Variants in ABTB3 observed in about 807,000 individuals in gnomAD.
The protein encoded by ABTB3 is ankyrin repeat- and BTB/POZ domain-containing protein 3.
chr12:107,604,984 G>A, the ABTB3 span, among the ~76,000 whole-genome samples: 1 of 152,146 alleles, frequency 6.6e-6, no homozygotes, highest in Non-Finnish European at 1.5e-5. Context: ...AAACCTGGAG[G>A]ACATTATGTT....
At chr12:107,336,230 G>A in the ABTB3 span, among the ~76,000 whole-genome samples, 1 of 152,242 alleles carries the variant, frequency 6.6e-6, no homozygotes, top group East Asian at 1.9e-4. Context: ...TCAAAGGTCT[G>A]AGGTTGAAAA....
At chr12:107,356,265 A>G in the ABTB3 span, among the ~76,000 whole-genome samples, 2 of 152,228 alleles carry the variant, frequency 1.3e-5, no homozygotes, top group African/African-American at 4.8e-5. Context: ...AGGTACCATA[A>G]GAGATCCATT....
chr12:107,634,495 C>G, the ABTB3 span, among the ~76,000 whole-genome samples: 1 of 152,096 alleles, frequency 6.6e-6, no homozygotes, highest in South Asian at 2.1e-4. Flanking sequence ...CTATTGTAAA[C>G]ATTTTTCAAT....
At chr12:107,463,179 T>C in the ABTB3 span, among the ~76,000 whole-genome samples, 1 of 151,002 alleles carries the variant, frequency 6.6e-6, no homozygotes, top group Non-Finnish European at 1.5e-5. Context: ...GTGGTGGTAG[T>C]AATGATGGGT....
At chr12:107,474,286 G>T in the ABTB3 span, among the ~76,000 whole-genome samples, 194 of 152,248 alleles carry the variant, frequency 1.3e-3, 3 homozygotes, top group African/African-American at 4.3e-3. Flanking sequence ...CAAACCCTGT[G>T]CAGGGCTCCC....
the ABTB3 span, among the ~76,000 whole-genome samples, chr12:107,566,275 T>C: frequency 6.6e-6 from 1 of 152,140 alleles, no homozygotes; most frequent in South Asian, 2.1e-4. Flanking sequence ...CCCATTCCCA[T>C]CCCCTACTTC....
the ABTB3 span, among the ~76,000 whole-genome samples, chr12:107,412,558 G>A: frequency 4.6e-5 from 7 of 152,188 alleles, no homozygotes; most frequent in African/African-American, 1.2e-4. Context: ...TCACAGGTCC[G>A]AAAACTGGGG....
chr12:107,343,718 G>C, the ABTB3 span, among the ~76,000 whole-genome samples: 1 of 152,204 alleles, frequency 6.6e-6, no homozygotes, highest in African/African-American at 2.4e-5. Context: ...TTATAGTTCT[G>C]CATGGCTCGG....
chr12:107,490,760 G>A, the ABTB3 span, among the ~76,000 whole-genome samples: 1 of 152,180 alleles, frequency 6.6e-6, no homozygotes, highest in Non-Finnish European at 1.5e-5. Flanking sequence ...GTGGGGCAGA[G>A]CAATTTGCTT....
chr12:107,558,702 T>C, the ABTB3 span, among the ~76,000 whole-genome samples: 3 of 152,200 alleles, frequency 2.0e-5, no homozygotes, highest in Non-Finnish European at 4.4e-5. Context: ...CAGTGAATAA[T>C]TTTAATAGTC....
At chr12:107,570,370 C>T in the ABTB3 span, among the ~76,000 whole-genome samples, 1 of 152,162 alleles carries the variant, frequency 6.6e-6, no homozygotes, top group Non-Finnish European at 1.5e-5. Context: ...CACGCCACCA[C>T]ACCCAGCTAA....
the ABTB3 span, among the ~76,000 whole-genome samples, chr12:107,420,217 C>A: frequency 6.6e-6 from 1 of 152,188 alleles, no homozygotes; most frequent in Non-Finnish European, 1.5e-5. Flanking sequence ...CTTGATCTTT[C>A]TGATCCACTT....
the ABTB3 span, among the ~76,000 whole-genome samples, chr12:107,471,613 C>T: frequency 6.6e-6 from 1 of 152,192 alleles, no homozygotes; most frequent in African/African-American, 2.4e-5. Context: ...GCTTTGCCTG[C>T]AATCTGTAAC....
chr12:107,609,009 A>G, the ABTB3 span, among the ~76,000 whole-genome samples: 1 of 107,200 alleles, frequency 9.3e-6, no homozygotes, highest in Non-Finnish European at 1.8e-5. Context: ...ATAAAATAAA[A>G]TAAAGACACA....
the ABTB3 span, among the ~76,000 whole-genome samples, chr12:107,566,230 CCTTTTTTATTTTT>C: frequency 1.3e-5 from 2 of 152,042 alleles, no homozygotes; most frequent in Non-Finnish European, 2.9e-5. Context: ...TCTCTGTGTT[CCTTTTTTATTTTT>C]CTTTTTACCA....
At chr12:107,511,617 G>A in the ABTB3 span, among the ~76,000 whole-genome samples, 1 of 152,140 alleles carries the variant, frequency 6.6e-6, no homozygotes, top group African/African-American at 2.4e-5. Context: ...ACCTTTTGAA[G>A]CCTACACTTG....
chr12:107,336,725 G>A, the ABTB3 span, among the ~76,000 whole-genome samples: 1 of 152,142 alleles, frequency 6.6e-6, no homozygotes, highest in Non-Finnish European at 1.5e-5. Flanking sequence ...CACATAGTAG[G>A]CACTTCAACA....
At chr12:107,648,380 C>CACACACACACACACACA in the ABTB3 span, among the ~76,000 whole-genome samples, 18 of 140,100 alleles carry the variant, frequency 1.3e-4, no homozygotes, top group African/African-American at 4.0e-4. Context: ...GACCCCATCT[C>CACACACACACACACACA]CACACACACA....
At chr12:107,425,149 C>A in the ABTB3 span, among the ~76,000 whole-genome samples, 1 of 152,230 alleles carries the variant, frequency 6.6e-6, no homozygotes, top group Non-Finnish European at 1.5e-5. Context: ...TCTCGACAGT[C>A]CACGGCCCTG....
Sources: allele counts gnomAD v4.1 joint callset (sites outside exome capture counted in the v4.1 genomes callset), GRCh38; gene constraint gnomAD v4.1.1; transcripts MANE v1.5; gene names NCBI Gene and HGNC (gene_info 2026-07-23, HGNC 2026-07-21).